Variants in SLC35E4 observed in about 807,000 individuals in gnomAD.
SLC35E4 encodes the protein solute carrier family 35, member E4.
A neutral mutation model predicts 19.3 loss-of-function variants in SLC35E4; 15 were observed. The ratio of observed to expected loss-of-function variants is 0.78; its 90% CI spans 0.52 to 1.20. The LOEUF is 1.20. SLC35E4 is among the 50% of genes most tolerant of loss of function. The probability of loss-of-function intolerance (pLI) is 0.00; values close to 1 mark genes in which losing one functional copy is unlikely to be tolerated. For missense variants in SLC35E4, 406 were observed against 472.3 expected (o/e 0.86, Z 1.30); for synonymous variants, 219 against 219.9 (o/e 1.00, Z 0.04).
intron 1 of SLC35E4, among the ~76,000 whole-genome samples, chr22:30,640,409 A>G (rs2088019127): frequency 2.0e-5 from 3 of 151,838 alleles, no homozygotes; most frequent in Admixed American, 1.3e-4. Flanking sequence ...AAAGAAGTTC[A>G]TGATTTGCAC....
At chr22:30,649,031 C>T, downstream of SLC35E4, 1 of 615,118 alleles carries the variant, frequency 1.6e-6, no homozygotes, top group East Asian at 2.8e-5. Context: ...TCTTGTAACA[C>T]CTAACTCTCC....
At chr22:30,664,100 G>C, downstream of SLC35E4, 11 of 1,169,614 alleles carry the variant, frequency 9.4e-6, no homozygotes, top group South Asian at 1.5e-5. Flanking sequence ...GGGAGAGGAT[G>C]TTTAGAGGGC....
In SLC35E4 at chr22:30,636,721, G is replaced by A. The variant is rs1366039308; in HGVS notation, c.271G>A (p.Ala91Thr). The change falls in exon 1 of 2, where the codon GCC becomes ACC. Residue 91 changes from alanine to threonine, a missense_variant. Physicochemically the swap from Ala to Thr is moderately conservative, Grantham distance 58. Transcript: ENST00000343605. ...GTCGGCCCTGCACATGCTGGTGGCA[G>A]CCCTGGCATGCCACCGGGGGGCACG... Reference protein sequence around the residue: ...LLSALHMLVAALACHRGARRP... With the variant: ...LLSALHMLVATLACHRGARRP... The A allele has an allele frequency of 4.3e-6, 7 of 1,611,712 alleles. No homozygotes were observed. The highest frequency in any genetic ancestry group is 5.1e-6 in the Non-Finnish European group (6 of 1,179,134).
chr22:30,640,221 A>C (rs1569057052), intron 1 of SLC35E4, among the ~76,000 whole-genome samples: 1 of 152,046 alleles, frequency 6.6e-6, no homozygotes, highest in African/African-American at 2.4e-5. Flanking sequence ...AATTACAAAA[A>C]TTAGCTGGGC....
downstream of SLC35E4, among the ~76,000 whole-genome samples, chr22:30,666,568 G>C (rs1162377143): frequency 7.5e-6 from 1 of 133,172 alleles, no homozygotes; most frequent in African/African-American, 3.1e-5. Context: ...GCTGCAGTGA[G>C]CCAAGATCGT....
chr22:30,655,112 TTAC>T (rs2088308298), intron 2 of SLC35E4, among the ~76,000 whole-genome samples: 1 of 152,066 alleles, frequency 6.6e-6, no homozygotes, highest in South Asian at 2.1e-4. Flanking sequence ...CGGTGTGAAG[TTAC>T]AGGGGCTGTG....
At position 30,636,318 on chromosome 22, in the gene SLC35E4, G is replaced by C. The variant is rs1259465071; in HGVS notation, c.-133G>C. 6 of 1,236,340 alleles carry C rather than the reference G, an allele frequency of 4.9e-6. No individual in the cohort carries two copies. Among genetic ancestry groups the C allele is most frequent in the Non-Finnish European group, 5.4e-6 (5 of 922,158 alleles). The allele number at this position is 1,236,340 out of a possible 1,614,324, so 76.6% of individuals were successfully genotyped here. On this transcript the variant is annotated 5_prime_UTR_variant, in exon 1 of 2. Transcript: ENST00000343605. ...GGCACAGGCCTGGCACAAGTAAGCAGTGTCCTCACCTGTCTGAAACGGGAC... is the reference window on the plus strand; with the variant it reads ...GGCACAGGCCTGGCACAAGTAAGCACTGTCCTCACCTGTCTGAAACGGGAC...
exon 3 of SLC35E4, chr22:30,668,652 G>C (rs866366081): frequency 1.3e-5 from 2 of 152,196 alleles, no homozygotes; most frequent in Non-Finnish European, 2.9e-5. Context: ...CGAGGCCGAG[G>C]TCCTCCCCAG....
rs577058753 is a variant in SLC35E4, at chr22:30,658,370, C to T, written c.*9-3690C>T. ...CCTGGGCAACACAATGAGACTCTGT[C>T]TCTAGAAAAAAAAAAATTTTTTTTT... On this transcript the variant is annotated intron_variant, in intron 2 of 2. Transcript: ENST00000406566. Among the ~76,000 whole-genome samples the T allele has an allele frequency of 7.6e-4, 114 of 149,734 alleles. 2 individuals are homozygous for T. The highest frequency in any genetic ancestry group is 5.5e-3 in the South Asian group (26 of 4,704).
chr22:30,643,894 C>T (rs5997719), intron 1 of SLC35E4, among the ~76,000 whole-genome samples: 12,155 of 152,178 alleles, frequency 0.08, 1,014 homozygotes, highest in East Asian at 0.24. Flanking sequence ...ATTTTGGGGT[C>T]CCCAGGTAGA....
chr22:30,667,280 G>C (rs543197276), downstream of SLC35E4: 5 of 152,354 alleles, frequency 3.3e-5, no homozygotes, highest in South Asian at 1.0e-3. Context: ...ATTATGTGTG[G>C]GAAAAATGAA....
At chr22:30,650,738 CGTGTT>C (rs1313597647), downstream of SLC35E4, among the ~76,000 whole-genome samples, 1 of 152,136 alleles carries the variant, frequency 6.6e-6, no homozygotes, top group Admixed American at 6.5e-5. Context: ...CAAGGCTTCT[CGTGTT>C]ATCTGCCCCA....
chr22:30,649,300 A>C (rs2088176720), downstream of SLC35E4: 1 of 712,508 alleles, frequency 1.4e-6, no homozygotes, highest in Non-Finnish European at 2.6e-6. Flanking sequence ...TATTCACCCA[A>C]CCTTTCTGGA....
chr22:30,650,843 C>T (rs189051425), downstream of SLC35E4, among the ~76,000 whole-genome samples: 29 of 152,290 alleles, frequency 1.9e-4, no homozygotes, highest in African/African-American at 6.3e-4. Flanking sequence ...CCTCCAGCCC[C>T]CTTGTCCTGC....
At chr22:30,654,493 G>A (rs1407703748) in intron 2 of SLC35E4, 3 of 433,698 alleles carry the variant, frequency 6.9e-6, no homozygotes, top group Admixed American at 2.5e-5. Flanking sequence ...GTGGGATGCC[G>A]TTAAACACCT....
At chr22:30,666,170 T>C (rs9606763), downstream of SLC35E4, among the ~76,000 whole-genome samples, 2,409 of 152,150 alleles carry the variant, frequency 0.016, 37 homozygotes, top group Non-Finnish European at 0.025. Context: ...AGAAAATCCA[T>C]AGAGAAGTGA....
intron 2 of SLC35E4, chr22:30,653,990 T>TA (rs1481442174): frequency 1.3e-5 from 2 of 157,592 alleles, no homozygotes; most frequent in African/African-American, 4.9e-5. Context: ...TTTTTGTTTT[T>TA]TTTTTTTGAG....
At chr22:30,639,724 A>G (rs1337014353) in intron 1 of SLC35E4, among the ~76,000 whole-genome samples, 1 of 152,200 alleles carries the variant, frequency 6.6e-6, no homozygotes, top group Non-Finnish European at 1.5e-5. Context: ...CACCCGGCTC[A>G]CCGGCAGTCA....
At chr22:30,654,872 T>C (rs999877219) in intron 2 of SLC35E4, 1 of 178,974 alleles carries the variant, frequency 5.6e-6, no homozygotes, top group Non-Finnish European at 1.2e-5. Flanking sequence ...GGGAAGGGCA[T>C]GGGGCCCCTT....
Sources: allele counts gnomAD v4.1 joint callset (sites outside exome capture counted in the v4.1 genomes callset), GRCh38; gene constraint gnomAD v4.1.1; transcripts MANE v1.5; gene names NCBI Gene and HGNC (gene_info 2026-07-23, HGNC 2026-07-21).